PRKCH: variants seen among roughly 807,000 people sequenced by gnomAD.
PRKCH encodes the protein protein kinase C eta type.
Under a neutral mutation model 82.5 loss-of-function variants are expected in PRKCH, and 28 were observed. That is an observed-to-expected ratio of 0.34 (90% CI 0.25 to 0.47). The LOEUF is 0.47. Ranked by LOEUF, PRKCH falls within the 20% of genes least tolerant of loss-of-function variation. The pLI, the probability that PRKCH is intolerant of heterozygous loss-of-function variation, is 1.00. For synonymous variants in PRKCH, 322 were observed against 327.4 expected (o/e 0.98, Z 0.18); for missense variants, 705 against 881.8 (o/e 0.80, Z 2.54).
rs143368887 is a variant in PRKCH, at chr14:61,410,027, C to G, written c.427+18739C>G. On this transcript the variant is annotated intron_variant, in intron 2 of 13. Transcript: ENST00000332981. ...CACCAATAAATTGAGTTGGTTCACT[C>G]TGTGTATTTTTACAGCATTTGGCCT... Among the ~76,000 whole-genome samples, 16 of 152,250 alleles carry G rather than the reference C, an allele frequency of 1.1e-4. No individual in the cohort carries two copies. The East Asian group carries it at 2.3e-3, about 22-fold the overall frequency.
At chr14:61,465,442 A>G (rs1206068440) in intron 9 of PRKCH, among the ~76,000 whole-genome samples, 2 of 152,160 alleles carry the variant, frequency 1.3e-5, no homozygotes, top group East Asian at 3.9e-4. Context: ...TTCTGCATGT[A>G]GATATCCAGT....
chr14:61,344,023 T>C (rs2045961005), intron 1 of PRKCH, among the ~76,000 whole-genome samples: 1 of 152,204 alleles, frequency 6.6e-6, no homozygotes, highest in Non-Finnish European at 1.5e-5. Context: ...TCCCTCATCA[T>C]ACTGAAATGA....
intron 1 of PRKCH, among the ~76,000 whole-genome samples, chr14:61,283,864 T>A (rs1322611126): frequency 6.6e-6 from 1 of 151,856 alleles, no homozygotes; most frequent in Non-Finnish European, 1.5e-5. Flanking sequence ...AAAGAGAGAA[T>A]GGGGTTCTAA....
intron 1 of PRKCH, among the ~76,000 whole-genome samples, chr14:61,299,257 G>A (rs889212784): frequency 1.3e-5 from 2 of 152,150 alleles, no homozygotes; most frequent in African/African-American, 2.4e-5. Flanking sequence ...GGGTCTGCAT[G>A]TGCAATGGCC....
At chr14:61,329,340 G>A (rs992826547) in intron 1 of PRKCH, among the ~76,000 whole-genome samples, 2 of 147,378 alleles carry the variant, frequency 1.4e-5, no homozygotes, top group African/African-American at 5.1e-5. Flanking sequence ...AGGTTCAAGC[G>A]ATTCTCCTGC....
chr14:61,462,728 G>T (rs1257588099), intron 9 of PRKCH, among the ~76,000 whole-genome samples: 1 of 152,342 alleles, frequency 6.6e-6, no homozygotes, highest in East Asian at 1.9e-4. Flanking sequence ...ATGCTGAACT[G>T]TGACAGTCTC....
Position 61,280,084 on chromosome 14 carries a change from A to T in PRKCH, c.-19+92416A>T. The T allele has an allele frequency of 6.3e-7, 1 of 1,598,268 alleles. No individual in the cohort carries two copies. The highest frequency in any genetic ancestry group is 8.5e-7 in the Non-Finnish European group (1 of 1,172,106). On this transcript the variant is annotated intron_variant, in intron 1 of 3. Transcript: ENST00000555185. This position sits in a 1 kb window ranked among gnomAD's most constrained non-coding sequence, Gnocchi z 5.0. ...CAAGAAGCAGGAGGGATCCCTGGAA[A>T]GCCGGAATCACTCCTCGTCGTCGTC...
intron 2 of PRKCH, among the ~76,000 whole-genome samples, chr14:61,442,371 G>T (rs1451715810): frequency 6.6e-6 from 1 of 152,174 alleles, no homozygotes; most frequent in African/African-American, 2.4e-5. Flanking sequence ...TTTGGACAGA[G>T]CTCTCATAGT....
chr14:61,418,388 G>A (rs574996775), intron 2 of PRKCH, among the ~76,000 whole-genome samples: 15 of 152,320 alleles, frequency 9.8e-5, no homozygotes, highest in African/African-American at 3.6e-4. Flanking sequence ...ATAAATTTTA[G>A]CACGATGTGT....
rs1453019659 is a variant in PRKCH, at chr14:61,339,650, ATTAAAG to A, written c.363+17191_363+17196del. 4.0e-4 allele frequency among the ~76,000 whole-genome samples: 42 copies of A among 106,024 alleles called. No homozygotes were observed. In the East Asian group the frequency reaches 9.6e-3, roughly 24 times the overall value. 69.6% of individuals were successfully genotyped at this position (106,024 alleles called of 152,430 possible). ...TTTTTTTTTTTTTTTTTTTTTTATA[ATTAAAG>A]TTAAGGTTGCAGTGAGCTGAGATTG... On this transcript the variant is annotated intron_variant, in intron 1 of 13. Coordinates refer to ENST00000332981, the MANE Select transcript of PRKCH (RefSeq NM_006255.5).
chr14:61,407,921 C>T (rs1882046979), intron 2 of PRKCH, among the ~76,000 whole-genome samples: 1 of 152,180 alleles, frequency 6.6e-6, no homozygotes, highest in South Asian at 2.1e-4. Context: ...CCAACTTGAG[C>T]TCTTCAGACA....
At chr14:61,533,307 A>AT (rs1467680404) in intron 12 of PRKCH, among the ~76,000 whole-genome samples, 2 of 147,204 alleles carry the variant, frequency 1.4e-5, no homozygotes, top group African/African-American at 2.5e-5. Context: ...AAAAAAAAAA[A>AT]TCACTAAGAG....
intron 1 of PRKCH, among the ~76,000 whole-genome samples, chr14:61,334,581 G>T (rs938852666): frequency 6.6e-6 from 1 of 152,138 alleles, no homozygotes; most frequent in Admixed American, 6.5e-5. Flanking sequence ...AGGCCCTACC[G>T]TGAGAACAAG....
chr14:61,500,950 T>G (rs2139950202), intron 10 of PRKCH, among the ~76,000 whole-genome samples: 1 of 152,298 alleles, frequency 6.6e-6, no homozygotes, highest in Middle Eastern at 3.4e-3. Flanking sequence ...TCAGGTTGAT[T>G]GCATGGAACA....
chr14:61,241,561 G>A (rs1001415342), intron 1 of PRKCH, among the ~76,000 whole-genome samples: 2 of 143,542 alleles, frequency 1.4e-5, no homozygotes, highest in Non-Finnish European at 1.5e-5. Flanking sequence ...TTGCTTTGGA[G>A]ATTTTAGGAG....
At chr14:61,296,176 G>A (rs183941098) in intron 1 of PRKCH, among the ~76,000 whole-genome samples, 8 of 152,260 alleles carry the variant, frequency 5.3e-5, no homozygotes, top group Admixed American at 5.2e-4. Flanking sequence ...AAATAGAGCA[G>A]GATATTTAAA....
chr14:61,436,872 T>C (rs1053435373), intron 2 of PRKCH, among the ~76,000 whole-genome samples: 1 of 152,248 alleles, frequency 6.6e-6, no homozygotes, highest in African/African-American at 2.4e-5. Flanking sequence ...TGTTGCAGTC[T>C]TTGTCACAGG....
chr14:61,312,873 C>G (rs539898294), intron 1 of PRKCH, among the ~76,000 whole-genome samples: 2 of 152,298 alleles, frequency 1.3e-5, no homozygotes, highest in Non-Finnish European at 2.9e-5. Context: ...TCACTCTCCC[C>G]CCGCCTCCCA....
At chr14:61,210,111 A>AATATATATATATAT (rs60055073) in intron 1 of PRKCH, among the ~76,000 whole-genome samples, 5 of 87,362 alleles carry the variant, frequency 5.7e-5, no homozygotes, top group Non-Finnish European at 9.9e-5. Context: ...CAAACAAACA[A>AATATATATATATAT]ATATATATAT....
Sources: gnomAD v4.1 joint callset for allele counts (sites outside exome capture counted in the v4.1 genomes callset) on GRCh38, gnomAD v4.1.1 for gene constraint, Gnocchi (gnomAD v3.1) non-coding constraint, MANE v1.5 for transcripts, NCBI Gene and HGNC (gene_info 2026-07-23, HGNC 2026-07-21) for gene names.